Variants in ZNF729 observed in about 807,000 individuals in gnomAD.
ZNF729 encodes zinc finger protein 729.
Under a neutral mutation model 12.2 loss-of-function variants are expected in ZNF729, and 15 were observed. That is an observed-to-expected ratio of 1.23 (90% CI 0.82 to 1.89). The LOEUF (loss-of-function observed/expected upper bound fraction) is 1.89. Ranked by LOEUF, ZNF729 falls within the 40% of genes most tolerant of loss-of-function variation. The pLI is 0.00. For missense variants in ZNF729, 1,540 were observed against 1,456.7 expected (o/e 1.06, Z -0.93); for synonymous variants, 492 against 476.3 (o/e 1.03, Z -0.43).
intron 1 of ZNF729, among the ~76,000 whole-genome samples, chr19:22,295,399 T>C (rs1451159244): frequency 1.4e-5 from 2 of 145,534 alleles, no homozygotes; most frequent in Non-Finnish European, 3.0e-5. Flanking sequence ...CTTTTTTTTT[T>C]TTTTTTTTGA....
Position 22,315,870 on chromosome 19 carries a change from A to T in ZNF729, c.2453A>T (p.His818Leu), listed in dbSNP as rs762051378. The T allele has an allele frequency of 2.5e-6, 4 of 1,611,412 alleles. No homozygotes were observed. The highest frequency in any genetic ancestry group is 3.4e-6 in the Non-Finnish European group (4 of 1,179,704). The change falls in exon 4 of 4, where the codon CAT becomes CTT. Residue 818 changes from histidine (H) to leucine (L), a missense_variant. His to Leu is a moderately conservative substitution (Grantham distance 99). Transcript: ENST00000601693. ...AAGCTTACTGTACATAAGGTAATTC[A>T]TACTGGAGAGAAACCCTGCAAATGT... Reference protein sequence around the residue: ...SSKLTVHKVIHTGEKPCKCEE... With the variant: ...SSKLTVHKVILTGEKPCKCEE...
intron 1 of ZNF729, among the ~76,000 whole-genome samples, chr19:22,293,686 G>A (rs1256930776): frequency 6.6e-6 from 1 of 151,264 alleles, no homozygotes; most frequent in African/African-American, 2.4e-5. Context: ...TAAAGACAGG[G>A]TTTCATCATG....
chr19:22,305,145 A>ACTTGCT (rs1227239621), intron 3 of ZNF729, among the ~76,000 whole-genome samples: 1 of 152,114 alleles, frequency 6.6e-6, no homozygotes, highest in Non-Finnish European at 1.5e-5. Context: ...TTTACCTCAC[A>ACTTGCT]CTTGCTCTGT....
At chr19:22,305,231 C>T (rs2145051556) in intron 3 of ZNF729, among the ~76,000 whole-genome samples, 1 of 152,228 alleles carries the variant, frequency 6.6e-6, no homozygotes. Context: ...AGACACTCAC[C>T]AGAAACAGAT....
chr19:22,313,606 G>A, intron 3 of ZNF729, 65 bp from the exon 4 acceptor site: 1 of 1,359,498 alleles, frequency 7.4e-7, no homozygotes, highest in Non-Finnish European at 9.6e-7. Flanking sequence ...TTATAGGTTA[G>A]ATTTGTAAAG....
intron 3 of ZNF729, among the ~76,000 whole-genome samples, chr19:22,311,599 T>A (rs546643818): frequency 6.6e-6 from 1 of 152,300 alleles, no homozygotes; most frequent in South Asian, 2.1e-4. Context: ...TGAGGTTCAT[T>A]TTGGGGCCTA....
At position 22,314,092 on chromosome 19, in the gene ZNF729, A is replaced by G. The variant is rs1300076652; in HGVS notation, c.675A>G (p.Lys225=). Residue 225 remains lysine, a synonymous_variant, in exon 4 of 4, where the codon AAA becomes AAG. Coordinates refer to ENST00000601693, the MANE Select transcript of ZNF729 (RefSeq NM_001242680.2). ...KAFKSFSTLT[K]HKIIHTEDKP... ...TTAAATCGTTCTCAACCCTTACTAAACATAAGATAATTCATACTGAAGACA... is the reference window on the plus strand; with the variant it reads ...TTAAATCGTTCTCAACCCTTACTAAGCATAAGATAATTCATACTGAAGACA... 3 of 1,546,862 alleles carry G rather than the reference A, an allele frequency of 1.9e-6. No individual in the cohort carries two copies. Among genetic ancestry groups the G allele is most frequent in the South Asian group, 1.2e-5 (1 of 83,542 alleles).
At chr19:22,287,335 C>T (rs1350932674) in intron 1 of ZNF729, among the ~76,000 whole-genome samples, 1 of 151,568 alleles carries the variant, frequency 6.6e-6, no homozygotes, top group Non-Finnish European at 1.5e-5. Flanking sequence ...AGCGCGATCT[C>T]CTCTCGGTGC....
intron 1 of ZNF729, among the ~76,000 whole-genome samples, chr19:22,289,666 A>AT: frequency 6.6e-6 from 1 of 152,156 alleles, no homozygotes; most frequent in East Asian, 1.9e-4. Context: ...TCTCTCTTCC[A>AT]TTTTGGCTTC....
At chr19:22,313,480 C>T (rs76619922) in intron 3 of ZNF729, among the ~76,000 whole-genome samples, 191 bp from the exon 4 acceptor site, 3,801 of 152,234 alleles carry the variant, frequency 0.025, 155 homozygotes, top group African/African-American at 0.087. Flanking sequence ...ACTTAACTTA[C>T]ATATAAATTT....
At chr19:22,297,656 T>G (rs1302611291) in intron 1 of ZNF729, among the ~76,000 whole-genome samples, 1 of 151,740 alleles carries the variant, frequency 6.6e-6, no homozygotes, top group Non-Finnish European at 1.5e-5. Context: ...TATATATATA[T>G]ATATATATGG....
intron 1 of ZNF729, among the ~76,000 whole-genome samples, chr19:22,292,621 T>C (rs1002836272): frequency 1.3e-5 from 2 of 151,996 alleles, no homozygotes; most frequent in Admixed American, 6.6e-5. Flanking sequence ...TTGTATTTTT[T>C]GTTGAGATGG....
chr19:22,294,402 C>T lies in ZNF729; in HGVS notation c.30+7847C>T, dbSNP rs572260710. 2.1e-4 allele frequency among the ~76,000 whole-genome samples: 32 copies of T among 152,182 alleles called. 1 individual carries two copies. The highest frequency in any genetic ancestry group is 6.5e-4 in the African/African-American group (27 of 41,528). ...TATAGTTTGAAGTCAGGTAATGTAA[C>T]GCCTCCAGCTTTGTTCTTTTTGCTT... is the stretch of plus-strand genomic sequence containing the variant. On this transcript the variant is annotated intron_variant, in intron 1 of 3. Coordinates refer to ENST00000601693, the MANE Select transcript of ZNF729 (RefSeq NM_001242680.2).
chr19:22,305,193 C>G (rs991625629), intron 3 of ZNF729, among the ~76,000 whole-genome samples: 1 of 152,118 alleles, frequency 6.6e-6, no homozygotes, highest in Non-Finnish European at 1.5e-5. Flanking sequence ...TTTTCGCCTT[C>G]CACTGTGATC....
intron 1 of ZNF729, among the ~76,000 whole-genome samples, chr19:22,296,643 T>C (rs1381884174): frequency 6.6e-6 from 1 of 152,166 alleles, no homozygotes. Flanking sequence ...TTTTGTCTGC[T>C]GATAGCTTAG....
intron 1 of ZNF729, among the ~76,000 whole-genome samples, chr19:22,289,265 G>A (rs1968122051): frequency 7.1e-6 from 1 of 140,900 alleles, no homozygotes; most frequent in South Asian, 2.2e-4. Flanking sequence ...TCACTCTGTC[G>A]CCCAGACTGG....
Position 22,287,886 on chromosome 19 carries a change from C to T in ZNF729, c.30+1331C>T, listed in dbSNP as rs1968101909. Among the ~76,000 whole-genome samples, 12 of 147,990 alleles carry T rather than the reference C, an allele frequency of 8.1e-5. No individual in the cohort carries two copies. The Admixed American group carries it at 8.2e-4, about 10-fold the overall frequency. ...TTTGAGATGGAGTCTCGCTCTGTTGCCCAACCTGGAGTGTGGTGTCCTGAT... is the reference window on the plus strand; with the variant it reads ...TTTGAGATGGAGTCTCGCTCTGTTGTCCAACCTGGAGTGTGGTGTCCTGAT... On this transcript the variant is annotated intron_variant, in intron 1 of 3. Coordinates refer to ENST00000601693, the MANE Select transcript of ZNF729 (RefSeq NM_001242680.2).
intron 1 of ZNF729, among the ~76,000 whole-genome samples, chr19:22,291,415 G>T (rs1266352784): frequency 6.6e-6 from 1 of 152,052 alleles, no homozygotes; most frequent in Non-Finnish European, 1.5e-5. Flanking sequence ...ACATTGACTT[G>T]TCCACACCCC....
At chr19:22,298,005 C>CA (rs34435303) in intron 1 of ZNF729, among the ~76,000 whole-genome samples, 10,408 of 67,948 alleles carry the variant, frequency 0.15, 606 homozygotes, top group East Asian at 0.24. Flanking sequence ...AACTCCATCT[C>CA]AAAAAAAAAA....
Sources: gnomAD v4.1 joint callset for allele counts (sites outside exome capture counted in the v4.1 genomes callset) on GRCh38, gnomAD v4.1.1 for gene constraint, MANE v1.5 for transcripts, NCBI Gene and HGNC (gene_info 2026-07-23, HGNC 2026-07-21) for gene names.